The following WASHC2C variants were observed in gnomAD, a reference collection of about 807,000 sequenced individuals.
WASHC2C encodes the protein WASH complex subunit 2C.
Under a neutral mutation model 142.2 loss-of-function variants are expected in WASHC2C, and 73 were observed. That is an observed-to-expected ratio of 0.51 (90% CI 0.43 to 0.62). WASHC2C has a LOEUF of 0.62. Among genes scored for constraint, WASHC2C ranks in the 20% least tolerant of loss-of-function variants. The pLI is 0.00. For missense variants in WASHC2C, 969 were observed against 1,531.7 expected, an observed-to-expected ratio of 0.63 and a Z score of 6.13; for synonymous variants, 337 against 565.5, an observed-to-expected ratio of 0.60 and a Z score of 5.73.
chr10:45,751,833 T>C (rs1256799482), intron 11 of WASHC2C, among the ~76,000 whole-genome samples: 4 of 151,980 alleles, frequency 2.6e-5, no homozygotes. Context: ...AAAAATTAGC[T>C]TGGCATGGTG....
chr10:45,747,494 T>A (rs1284800276), intron 8 of WASHC2C, among the ~76,000 whole-genome samples: 1 of 152,236 alleles, frequency 6.6e-6, no homozygotes, highest in Non-Finnish European at 1.5e-5. Flanking sequence ...TCTATACTTT[T>A]AAACATACTG....
chr10:45,728,918 C>G lies in WASHC2C; in HGVS notation c.183C>G (p.Ile61Met). The G allele has an allele frequency of 1.2e-6, 2 of 1,613,918 alleles. No homozygotes were observed. Among genetic ancestry groups the G allele is most frequent in the East Asian group, 2.2e-5 (1 of 44,882 alleles). The change falls in exon 3 of 31, where the codon ATC becomes ATG. Residue 61 changes from isoleucine to methionine, a missense_variant. Physicochemically the swap from Ile to Met is conservative, Grantham distance 10 (BLOSUM62 1). Transcript: ENST00000623400. ...SQQTISRTHE[I>M]KKQVDGLIRE... is the part of the protein sequence containing the mutation. ...AAACTATCTCTAGGACCCATGAAATCAAGAAACAAGTGGACGGACTAATCC... is the reference window on the plus strand; with the variant it reads ...AAACTATCTCTAGGACCCATGAAATGAAGAAACAAGTGGACGGACTAATCC...
chr10:45,766,284 G>A (rs563898208), intron 19 of WASHC2C, among the ~76,000 whole-genome samples: 29 of 152,372 alleles, frequency 1.9e-4, no homozygotes, highest in Admixed American at 4.6e-4. Flanking sequence ...ACGATTAGAT[G>A]AAAGGGGTGT....
intron 21 of WASHC2C, among the ~76,000 whole-genome samples, chr10:45,773,707 G>A (rs1404898932): frequency 1.5e-4 from 23 of 152,120 alleles, no homozygotes; most frequent in African/African-American, 5.3e-4. Context: ...GTTTATATTA[G>A]CCAGTCAGTA....
At position 45,790,478 on chromosome 10, in the gene WASHC2C, A is replaced by G; in HGVS notation, c.3831A>G (p.Pro1277=). The G allele has an allele frequency of 6.2e-7, 1 of 1,611,060 alleles. No homozygotes were observed. The highest frequency in any genetic ancestry group is 8.5e-7 in the Non-Finnish European group (1 of 1,179,398). Residue 1277 remains proline (P), a synonymous_variant, in exon 30 of 31, where the codon CCA becomes CCG. Transcript: ENST00000623400. ...IDIFADLTVK[P]KEKSKKKVEA... ...TCTTTGCTGACTTAACTGTAAAACC[A>G]AAAGAAAAGTCCAAAAAGAAAGTGG...
In WASHC2C at chr10:45,729,035, T is replaced by C; in HGVS notation, c.291+9T>C. On this transcript the variant is annotated intron_variant, in intron 3 of 30. Coordinates refer to ENST00000623400, the MANE Select transcript of WASHC2C (RefSeq NM_001330074.2). ...CCCAGTTCATAGAGAATGTGAGTTA[T>C]TTAGTTATATTATAATTCCTTTTTT... The C allele has an allele frequency of 6.8e-6, 11 of 1,608,946 alleles. No individual in the cohort carries two copies. Among genetic ancestry groups the C allele is most frequent in the Non-Finnish European group, 8.5e-6 (10 of 1,178,214 alleles).
intron 3 of WASHC2C, among the ~76,000 whole-genome samples, chr10:45,731,628 T>A (rs2050593515): frequency 6.6e-6 from 1 of 151,716 alleles, no homozygotes; most frequent in Non-Finnish European, 1.5e-5. Context: ...CCGGATGTGC[T>A]GGTTGCCGCT....
intron 16 of WASHC2C, among the ~76,000 whole-genome samples, chr10:45,758,505 A>G (rs1471201175): frequency 6.6e-6 from 1 of 152,024 alleles, no homozygotes; most frequent in Non-Finnish European, 1.5e-5. Flanking sequence ...CTTCTGAATA[A>G]AGTTCTTTCT....
chr10:45,772,112 G>C (rs2056649426), intron 20 of WASHC2C, among the ~76,000 whole-genome samples: 1 of 152,146 alleles, frequency 6.6e-6, no homozygotes, highest in African/African-American at 2.4e-5. Context: ...AATGAACCTA[G>C]AAAATTTTAT....
At chr10:45,751,171 G>A (rs373967407) in intron 10 of WASHC2C, among the ~76,000 whole-genome samples, 3 of 151,792 alleles carry the variant, frequency 2.0e-5, no homozygotes, top group African/African-American at 4.8e-5. Context: ...TTTTGAACAC[G>A]TAAGAATGTG....
At chr10:45,740,770 G>A (rs1230318182) in intron 5 of WASHC2C, among the ~76,000 whole-genome samples, 1 of 152,236 alleles carries the variant, frequency 6.6e-6, no homozygotes, top group East Asian at 1.9e-4. Context: ...TCATGTCCAG[G>A]CTCCCTCATA....
Position 45,727,329 on chromosome 10 carries a change from G to A in WASHC2C, c.3+9G>A, listed in dbSNP as rs1434607443. 1.0e-5 allele frequency: 16 copies of A among 1,584,232 alleles called. No individual in the cohort carries two copies. Among genetic ancestry groups the A allele is most frequent in the Non-Finnish European group, 1.3e-5 (15 of 1,166,556 alleles). On this transcript the variant is annotated intron_variant, in intron 1 of 30. Coordinates refer to ENST00000623400, the MANE Select transcript of WASHC2C (RefSeq NM_001330074.2). ...GCCGGGCGGCTGGGATGGTGAGGGC[G>A]GCGGGCCGGAGAGGGGCCGGCCTGG... is the stretch of plus-strand genomic sequence containing the variant.
At chr10:45,727,230 G>A (rs1453497728), upstream of WASHC2C, 19 of 1,518,680 alleles carry the variant, frequency 1.3e-5, no homozygotes, top group Non-Finnish European at 1.7e-5. Context: ...TCACGCCCCG[G>A]GCAGCTTGGC....
chr10:45,765,839 G>A (rs538737959), intron 19 of WASHC2C, 29 bp downstream of exon 19: 16 of 1,611,558 alleles, frequency 9.9e-6, no homozygotes, highest in Admixed American at 1.7e-5. Flanking sequence ...TAAAAAAGAG[G>A]GGATTATTTC....
At chr10:45,757,676 C>T (rs2054475509) in intron 16 of WASHC2C, among the ~76,000 whole-genome samples, 1 of 151,954 alleles carries the variant, frequency 6.6e-6, no homozygotes, top group Non-Finnish European at 1.5e-5. Context: ...CCTCTCTTGT[C>T]CCCAAAATGC....
chr10:45,751,970 C>G (rs1351845297), intron 11 of WASHC2C, among the ~76,000 whole-genome samples: 1 of 152,160 alleles, frequency 6.6e-6, no homozygotes, highest in Non-Finnish European at 1.5e-5. Context: ...GTGCGAGACT[C>G]CATCCCAAAA....
intron 23 of WASHC2C, among the ~76,000 whole-genome samples, chr10:45,784,242 G>A (rs1217928787): frequency 2.2e-3 from 85 of 38,054 alleles, no homozygotes; most frequent in Middle Eastern, 0.011. Flanking sequence ...ATATATATAT[G>A]TGTGTGTGTG....
At chr10:45,771,084 C>T (rs1463605596) in intron 20 of WASHC2C, among the ~76,000 whole-genome samples, 2 of 151,508 alleles carry the variant, frequency 1.3e-5, no homozygotes, top group African/African-American at 2.4e-5. Flanking sequence ...GAAGCCTTCC[C>T]GGCTGGGCGC....
At chr10:45,734,421 G>T (rs1485062570) in intron 3 of WASHC2C, among the ~76,000 whole-genome samples, 2 of 151,028 alleles carry the variant, frequency 1.3e-5, no homozygotes, top group East Asian at 1.9e-4. Flanking sequence ...TTCTTAATGT[G>T]AACTTATTTA....
Sources: allele counts gnomAD v4.1 joint callset (sites outside exome capture counted in the v4.1 genomes callset), GRCh38; gene constraint gnomAD v4.1.1; transcripts MANE v1.5; gene names NCBI Gene and HGNC (gene_info 2026-07-23, HGNC 2026-07-21).